KIF23: variants seen among roughly 807,000 people sequenced by gnomAD.
The protein encoded by KIF23 is kinesin family member 23, also known as kinesin-like protein KIF23.
A neutral mutation model predicts 137.5 loss-of-function variants in KIF23; 30 were observed. That is an observed-to-expected ratio of 0.22 (90% CI 0.16 to 0.30). The LOEUF (loss-of-function observed/expected upper bound fraction) is 0.30, where lower values mean the gene tolerates loss of function less well. Among genes scored for constraint, KIF23 ranks in the 10% least tolerant of loss-of-function variants. KIF23 has a pLI of 1.00. For missense variants in KIF23, 920 were observed against 1,194.3 expected (o/e 0.77, Z 3.38); for synonymous variants, 367 against 391.1 (o/e 0.94, Z 0.73).
intron 3 of KIF23, among the ~76,000 whole-genome samples, chr15:69,420,252 A>C (rs916383275): frequency 1.8e-4 from 27 of 152,010 alleles, no homozygotes; most frequent in Admixed American, 1.2e-3. Context: ...TGACAGAGTG[A>C]GACTCTGTTT....
chr15:69,420,580 C>A (rs767743804), intron 3 of KIF23, among the ~76,000 whole-genome samples: 4 of 152,172 alleles, frequency 2.6e-5, no homozygotes, highest in Non-Finnish European at 4.4e-5. Context: ...AAATGTATTT[C>A]ATGTAAGAAC....
At chr15:69,431,676 A>G (rs1442275963) in intron 11 of KIF23, among the ~76,000 whole-genome samples, 2 of 152,042 alleles carry the variant, frequency 1.3e-5, no homozygotes, top group South Asian at 2.1e-4. Context: ...TAGCGAATGG[A>G]GAGGAACAAG....
intron 7 of KIF23, among the ~76,000 whole-genome samples, chr15:69,424,664 ATT>A (rs2057144660): frequency 6.6e-6 from 1 of 151,972 alleles, no homozygotes; most frequent in Non-Finnish European, 1.5e-5. Flanking sequence ...TGCCTGGCTA[ATT>A]TTCTAATTTC....
At chr15:69,430,358 T>C (rs182457345) in intron 11 of KIF23, among the ~76,000 whole-genome samples, 89 of 152,356 alleles carry the variant, frequency 5.8e-4, no homozygotes, top group African/African-American at 2.0e-3. Context: ...TGTTGTGTTT[T>C]ATGTTAATAA....
intron 15 of KIF23, among the ~76,000 whole-genome samples, chr15:69,437,918 G>T (rs1407967037): frequency 2.6e-5 from 4 of 152,142 alleles, no homozygotes; most frequent in African/African-American, 9.7e-5. Context: ...TTCAGCTCAG[G>T]TTTAATTAAT....
Position 69,440,953 on chromosome 15 carries a change from G to A in KIF23, c.2295G>A (p.Gln765=), listed in dbSNP as rs991020332. The change falls in exon 19 of 24, where the codon CAG becomes CAA. Residue 765 remains glutamine, a synonymous_variant. Coordinates refer to ENST00000679126, the MANE Select transcript of KIF23 (RefSeq NM_001367805.3). The part of the protein sequence containing the change: ...KVTSIARRRQ[Q]EPGQSKTCIV... ...CATCTATTGCAAGGCGTAGGCAGCAGGAGCCAGGACAAAGCAAAACTTGTA... is the reference window on the plus strand; with the variant it reads ...CATCTATTGCAAGGCGTAGGCAGCAAGAGCCAGGACAAAGCAAAACTTGTA... The A allele has an allele frequency of 6.8e-6, 11 of 1,614,210 alleles. No individual in the cohort carries two copies. Among genetic ancestry groups the A allele is most frequent in the Non-Finnish European group, 9.3e-6 (11 of 1,180,034 alleles).
chr15:69,427,981 A>C (rs1035464403), intron 10 of KIF23, among the ~76,000 whole-genome samples: 1 of 152,212 alleles, frequency 6.6e-6, no homozygotes, highest in Non-Finnish European at 1.5e-5. Context: ...TATAAGGGCC[A>C]GGCGCAGTGA....
In KIF23 at chr15:69,414,387, G is replaced by C. The variant is rs1196674831; in HGVS notation, c.-79G>C. 3 of 1,540,222 alleles carry C rather than the reference G, an allele frequency of 1.9e-6. No homozygotes were observed. Among genetic ancestry groups the C allele is most frequent in the East Asian group, 4.9e-5 (2 of 40,488 alleles). On this transcript the variant is annotated 5_prime_UTR_variant, in exon 1 of 24. Coordinates refer to ENST00000679126, the MANE Select transcript of KIF23 (RefSeq NM_001367805.3). ...CCTTAGCCGCGAAGTTCTAGTTCTT[G>C]CTGCCGGTCCTAACGTCCCGCAGTC...
At chr15:69,445,108 G>A (rs971547825) in intron 20 of KIF23, 67 bp downstream of exon 20, 13 of 1,432,750 alleles carry the variant, frequency 9.1e-6, no homozygotes, top group Non-Finnish European at 1.2e-5. Flanking sequence ...CATTTGTCCT[G>A]CTACTCCTTT....
intron 10 of KIF23, among the ~76,000 whole-genome samples, chr15:69,428,610 AGATGGC>A (rs1173895235): frequency 1.3e-4 from 18 of 143,974 alleles, no homozygotes; most frequent in Non-Finnish European, 1.4e-4. Flanking sequence ...TAGTGAGCAG[AGATGGC>A]GCCACTGCAA....
Position 69,429,130 on chromosome 15 carries a change from T to C in KIF23, c.1031T>C (p.Ile344Thr), listed in dbSNP as rs772234679. ...NVLQEKEQITISQLSLVDLAG... is the reference protein window; with the variant it reads ...NVLQEKEQITTSQLSLVDLAG... ...TTTTAGGAAAAAGAACAAATCACTA[T>C]AAGTCAGTTGTCCTTGGTAGATCTT... The change falls in exon 11 of 24, where the codon ATA becomes ACA. Residue 344 changes from isoleucine (I) to threonine (T), a missense_variant. This residue lies in a region of KIF23 where 714 missense variants were observed against 866.2 expected (regional missense o/e 0.82). Coordinates refer to ENST00000679126, the MANE Select transcript of KIF23 (RefSeq NM_001367805.3). The C allele has an allele frequency of 6.2e-7, 1 of 1,612,456 alleles. No homozygotes were observed. Among genetic ancestry groups the C allele is most frequent in the Non-Finnish European group, 8.5e-7 (1 of 1,178,870 alleles).
Position 69,422,434 on chromosome 15 carries a change from A to T in KIF23, c.562A>T (p.Lys188Ter). The T allele has an allele frequency of 6.4e-7, 1 of 1,554,040 alleles. No individual in the cohort carries two copies. Among genetic ancestry groups the T allele is most frequent in the Non-Finnish European group, 8.9e-7 (1 of 1,125,544 alleles). ...GCCCAATCCAAAGACTTCTTCTAGC[A>T]AGTAAGTAATTATATTTGTCTGCAG... The part of the protein sequence containing the change: ...AMPNPKTSSS[K>*]RQVDPEFADM... The change falls in exon 6 of 24, where the codon AAA (lysine) becomes TAA (stop). Residue 188 changes from lysine to a stop codon, truncating the protein, a stop_gained and splice_region_variant. Transcript: ENST00000679126. LOFTEE classifies it high-confidence loss of function.
At chr15:69,434,699 C>A in intron 11 of KIF23, 1 of 1,450,146 alleles carries the variant, frequency 6.9e-7, no homozygotes, top group Non-Finnish European at 9.6e-7. Context: ...TGAGCCAGAG[C>A]CTCAGATTGG....
chr15:69,427,153 TAAAAA>T (rs939185263), intron 10 of KIF23, among the ~76,000 whole-genome samples: 1 of 151,812 alleles, frequency 6.6e-6, no homozygotes, highest in African/African-American at 2.4e-5. Flanking sequence ...AATAAAAAAA[TAAAAA>T]AATAGAACTT....
At chr15:69,425,936 A>G (rs1479868213) in intron 8 of KIF23, 134 bp from the exon 9 acceptor site, 5 of 206,818 alleles carry the variant, frequency 2.4e-5, no homozygotes, top group Non-Finnish European at 3.7e-5. Context: ...TACGTTATAT[A>G]TATATTATAA....
At chr15:69,424,132 A>G (rs568663310) in intron 7 of KIF23, among the ~76,000 whole-genome samples, 1 of 152,200 alleles carries the variant, frequency 6.6e-6, no homozygotes, top group African/African-American at 2.4e-5. Flanking sequence ...CTGAGAATAC[A>G]TACCAGTATA....
chr15:69,424,470 A>G (rs79362933), intron 7 of KIF23, among the ~76,000 whole-genome samples: 2,838 of 152,282 alleles, frequency 0.019, 81 homozygotes, highest in African/African-American at 0.065. Flanking sequence ...TAGTAAAAAT[A>G]CTTGGGTTAG....
In KIF23 at chr15:69,422,073, C is replaced by A. The variant is rs1246666015; in HGVS notation, c.398C>A (p.Pro133His). ...TGSPGEGGLL[P>H]RCLDMIFNSI... Reference sequence around the variant, plus strand: ...TCTCCAGGGGAAGGAGGGCTGCTTCCTCGTTGTTTGGACATGATCTTTAAC... The same window carrying A: ...TCTCCAGGGGAAGGAGGGCTGCTTCATCGTTGTTTGGACATGATCTTTAAC... Residue 133 changes from proline (P) to histidine (H), a missense_variant, in exon 5 of 24, where the codon CCT becomes CAT. This residue lies in a region of KIF23 where 714 missense variants were observed against 866.2 expected (regional missense o/e 0.82). Transcript: ENST00000679126. The A allele has an allele frequency of 5.0e-6, 8 of 1,613,972 alleles. No homozygotes were observed. Among genetic ancestry groups the A allele is most frequent in the Non-Finnish European group, 5.9e-6 (7 of 1,180,008 alleles).
At chr15:69,432,221 G>GT (rs11383823) in intron 11 of KIF23, among the ~76,000 whole-genome samples, 151,763 of 152,270 alleles carry the variant, frequency 1, 75,629 homozygotes, top group Middle Eastern at 1. Flanking sequence ...GGGAGTGAGA[G>GT]AGAAAAGGAG....
Sources: gnomAD v4.1 joint callset for allele counts (sites outside exome capture counted in the v4.1 genomes callset) on GRCh38, gnomAD v4.1.1 for gene constraint, gnomAD v4.1.1 regional missense constraint, MANE v1.5 for transcripts, NCBI Gene and HGNC (gene_info 2026-07-23, HGNC 2026-07-21) for gene names.